NXPH1: variants seen among roughly 807,000 people sequenced by gnomAD.
NXPH1 encodes the protein neurexophilin 1, also known as neurexophilin-1.
Under a neutral mutation model 23.7 loss-of-function variants are expected in NXPH1, and 5 were observed. The ratio of observed to expected loss-of-function variants is 0.21; its 90% CI spans 0.11 to 0.44. The LOEUF is 0.44. NXPH1 is among the 20% of genes least tolerant of loss of function. NXPH1 has a pLI of 0.99. For synonymous variants in NXPH1, 144 were observed against 122.2 expected (o/e 1.18, Z -1.18); for missense variants, 324 against 321.6 (o/e 1.01, Z -0.06).
At chr7:8,639,454 G>A (rs9655067) in intron 2 of NXPH1, among the ~76,000 whole-genome samples, 43,480 of 150,856 alleles carry the variant, frequency 0.29, 6,840 homozygotes, top group African/African-American at 0.39. Flanking sequence ...AGCTACCATC[G>A]GTGTAAAAGA....
intron 2 of NXPH1, among the ~76,000 whole-genome samples, chr7:8,524,241 C>CCAAA (rs1817825614): frequency 1.4e-5 from 1 of 73,718 alleles, no homozygotes; most frequent in East Asian, 4.1e-4. Flanking sequence ...GACTCTGTCT[C>CCAAA]AAAAAAAAAA....
intron 2 of NXPH1, among the ~76,000 whole-genome samples, chr7:8,692,010 T>C (rs566812155): frequency 1.3e-5 from 2 of 152,080 alleles, no homozygotes; most frequent in South Asian, 2.1e-4. Flanking sequence ...TTTTCTAGTC[T>C]GTAGGAATCT....
intron 2 of NXPH1, among the ~76,000 whole-genome samples, chr7:8,475,905 C>G (rs1021514076): frequency 9.2e-5 from 14 of 152,194 alleles, no homozygotes; most frequent in South Asian, 8.3e-4. Flanking sequence ...TGTTTTAATT[C>G]CAGATAATAC....
intron 2 of NXPH1, among the ~76,000 whole-genome samples, chr7:8,492,071 C>T (rs1817256270): frequency 6.6e-6 from 1 of 152,004 alleles, no homozygotes; most frequent in Non-Finnish European, 1.5e-5. Context: ...AAAAGGGTCT[C>T]TTGAGTGCAA....
intron 2 of NXPH1, among the ~76,000 whole-genome samples, chr7:8,477,783 C>G (rs1353794258): frequency 6.6e-6 from 1 of 152,124 alleles, no homozygotes; most frequent in East Asian, 1.9e-4. Flanking sequence ...AAAATCATCA[C>G]TGTCTAGTTA....
chr7:8,453,658 A>C (rs1390457841), intron 2 of NXPH1, among the ~76,000 whole-genome samples: 2 of 152,132 alleles, frequency 1.3e-5, no homozygotes, highest in Non-Finnish European at 2.9e-5. Context: ...TAATTCCTCT[A>C]ACATGCTTTA....
rs577418370 is a variant in NXPH1 at position 8,440,805 on chromosome 7, T to C, written c.54+5038T>C. Among the ~76,000 whole-genome samples, 12 of 152,286 alleles carry C rather than the reference T, an allele frequency of 7.9e-5. No individual in the cohort carries two copies. The South Asian group carries it at 2.3e-3, about 29-fold the overall frequency. On this transcript the variant is annotated intron_variant, in intron 2 of 2. Coordinates refer to ENST00000405863, the MANE Select transcript of NXPH1 (RefSeq NM_152745.3). Reference sequence around the variant, plus strand: ...GCGATGGGGAAGAAGGAGCCTCGCATTGGCAAAGAGATGCCTTCCCCATCC... The same window carrying C: ...GCGATGGGGAAGAAGGAGCCTCGCACTGGCAAAGAGATGCCTTCCCCATCC...
At chr7:8,552,861 C>G (rs1204555708) in intron 2 of NXPH1, among the ~76,000 whole-genome samples, 1 of 151,464 alleles carries the variant, frequency 6.6e-6, no homozygotes, top group Non-Finnish European at 1.5e-5. Flanking sequence ...ACATTTCAAG[C>G]AAATCAGATT....
chr7:8,641,742 C>T (rs1320294640), intron 2 of NXPH1, among the ~76,000 whole-genome samples: 3 of 152,106 alleles, frequency 2.0e-5, no homozygotes, highest in African/African-American at 7.2e-5. Context: ...TATTCAGGCA[C>T]ACTATTTTGA....
chr7:8,635,550 A>AAAAAG (rs1562437691), intron 2 of NXPH1, among the ~76,000 whole-genome samples: 1 of 152,216 alleles, frequency 6.6e-6, no homozygotes, highest in Non-Finnish European at 1.5e-5. Context: ...TGGGTATAGA[A>AAAAAG]AAAAGAAAAT....
intron 2 of NXPH1, among the ~76,000 whole-genome samples, chr7:8,451,543 C>T (rs1275055302): frequency 6.6e-6 from 1 of 152,180 alleles, no homozygotes; most frequent in African/African-American, 2.4e-5. Flanking sequence ...ATTGAGACTG[C>T]TCTTTTTCAA....
chr7:8,474,428 C>T (rs1816932699), intron 2 of NXPH1, among the ~76,000 whole-genome samples: 1 of 151,962 alleles, frequency 6.6e-6, no homozygotes, highest in South Asian at 2.1e-4. Context: ...GATAATCACC[C>T]ACAATATCAT....
intron 2 of NXPH1, among the ~76,000 whole-genome samples, chr7:8,484,678 A>AGG (rs1217052218): frequency 6.6e-6 from 1 of 152,210 alleles, no homozygotes; most frequent in African/African-American, 2.4e-5. Flanking sequence ...TGAAAACTCA[A>AGG]GGTATCACTT....
chr7:8,667,883 T>C lies in NXPH1; in HGVS notation c.55-83125T>C, dbSNP rs190429314. 1.9e-3 allele frequency among the ~76,000 whole-genome samples: 290 copies of C among 152,086 alleles called. 1 individual carries two copies. Among genetic ancestry groups the C allele is most frequent in the Admixed American group, 9.7e-3 (148 of 15,252 alleles). On this transcript the variant is annotated intron_variant, in intron 2 of 2. Transcript: ENST00000405863. ...TTATTTATTCCTTTTCATCCTCTTT[T>C]CTTTTTTCTCCTCTGATTGTATATT...
chr7:8,603,784 C>T (rs79818071), intron 2 of NXPH1, among the ~76,000 whole-genome samples: 5,309 of 152,146 alleles, frequency 0.035, 277 homozygotes, highest in East Asian at 0.17. Context: ...GTGTAATCTC[C>T]TTGGCATCCT....
chr7:8,484,926 G>A (rs1206921845), intron 2 of NXPH1, among the ~76,000 whole-genome samples: 1 of 152,146 alleles, frequency 6.6e-6, no homozygotes, highest in East Asian at 1.9e-4. Flanking sequence ...TACAAGTGAG[G>A]TAATTGTGAG....
chr7:8,692,775 G>T lies in NXPH1; in HGVS notation c.55-58233G>T, dbSNP rs115247415. On this transcript the variant is annotated intron_variant, in intron 2 of 2. Coordinates refer to ENST00000405863, the MANE Select transcript of NXPH1 (RefSeq NM_152745.3). ...TTGTGCTATTTAGAAAAGGGTGATGGTAACTTCTAAAGCCGAGTTGAAAGA... is the reference window on the plus strand; with the variant it reads ...TTGTGCTATTTAGAAAAGGGTGATGTTAACTTCTAAAGCCGAGTTGAAAGA... 1.3e-3 allele frequency among the ~76,000 whole-genome samples: 199 copies of T among 152,242 alleles called. 1 individual carries two copies. The highest frequency in any genetic ancestry group is 4.6e-3 in the African/African-American group (193 of 41,536).
At chr7:8,640,931 G>A (rs1820298353) in intron 2 of NXPH1, among the ~76,000 whole-genome samples, 1 of 152,078 alleles carries the variant, frequency 6.6e-6, no homozygotes, top group Non-Finnish European at 1.5e-5. Flanking sequence ...TCCAGCCAGA[G>A]CAACAGAGCA....
At chr7:8,624,296 A>T (rs1232992782) in intron 2 of NXPH1, among the ~76,000 whole-genome samples, 1 of 152,140 alleles carries the variant, frequency 6.6e-6, no homozygotes, top group African/African-American at 2.4e-5. Flanking sequence ...TTGTTTTCAG[A>T]TGGGTTTTGT....
Sources: allele counts gnomAD v4.1 joint callset (sites outside exome capture counted in the v4.1 genomes callset), GRCh38; gene constraint gnomAD v4.1.1; transcripts MANE v1.5; gene names NCBI Gene and HGNC (gene_info 2026-07-23, HGNC 2026-07-21).